C4BPA: variants seen among roughly 807,000 people sequenced by gnomAD.
C4BPA encodes C4b-binding protein alpha chain.
In C4BPA, 31 loss-of-function variants were observed where a neutral mutation model predicts 63.7. That is an observed-to-expected ratio of 0.49 (90% CI 0.37 to 0.66). C4BPA has a LOEUF of 0.66. Ranked by LOEUF, C4BPA falls within the 30% of genes least tolerant of loss-of-function variation. The pLI is 0.00. For missense variants in C4BPA, 572 were observed against 723.3 expected, an observed-to-expected ratio of 0.79 and a Z score of 2.40; for synonymous variants, 259 against 254.7, an observed-to-expected ratio of 1.02 and a Z score of -0.16.
chr1:207,115,556 T>C lies in C4BPA; in HGVS notation c.428+41T>C, dbSNP rs183817813. 1,022 of 1,049,702 alleles carry C rather than the reference T, an allele frequency of 9.7e-4. 5 individuals carry two copies. The highest frequency in any genetic ancestry group is 3.4e-3 in the Middle Eastern group (16 of 4,716). The allele number at this position is 1,049,702 out of a possible 1,614,324, so 65.0% of individuals were successfully genotyped here. On this transcript the variant is annotated intron_variant, in intron 4 of 11. Coordinates refer to ENST00000367070, the MANE Select transcript of C4BPA (RefSeq NM_000715.4). ...TCTATGAACAATTCTTTTATATTTA[T>C]TTAAAAAATAGCTGAAGTGTTCGTA... is the stretch of plus-strand genomic sequence containing the variant.
intron 9 of C4BPA, among the ~76,000 whole-genome samples, chr1:207,140,038 A>G (rs1298937141): frequency 6.6e-6 from 1 of 152,056 alleles, no homozygotes; most frequent in Non-Finnish European, 1.5e-5. Flanking sequence ...AATCTTCATA[A>G]CTCTCAGGCA....
chr1:207,143,940 A>G lies in C4BPA; in HGVS notation c.1567A>G (p.Ile523Val). Residue 523 changes from isoleucine to valine, a missense_variant, in exon 11 of 12, where the codon ATC becomes GTC. Ile to Val is a conservative substitution (Grantham distance 29, BLOSUM62 3). Transcript: ENST00000367070. ...CTATGGTGTGGTTGGTCCCCAAAGT[A>G]TCACTTGCTCTGGGAACAGAACCTG... The part of the protein sequence containing the change: ...SGYGVVGPQS[I>V]TCSGNRTWYP... 2 of 1,610,132 alleles carry G rather than the reference A, an allele frequency of 1.2e-6. No homozygotes were observed. Among genetic ancestry groups the G allele is most frequent in the Non-Finnish European group, 1.7e-6 (2 of 1,178,248 alleles).
chr1:207,117,982 T>C lies in C4BPA; in HGVS notation c.428+2467T>C, dbSNP rs539299226. ...TAGTCTTTTTTTCCTTGTTTCTTCA[T>C]GTGTGTTTCAGCTTTCCTCACATAG... On this transcript the variant is annotated intron_variant, in intron 4 of 11. Transcript: ENST00000367070. Among the ~76,000 whole-genome samples, 10 of 152,348 alleles carry C rather than the reference T, an allele frequency of 6.6e-5. No homozygotes were observed. The East Asian group carries it at 1.9e-3, about 29-fold the overall frequency.
intron 2 of C4BPA, among the ~76,000 whole-genome samples, chr1:207,113,877 T>C (rs1172716707): frequency 6.6e-6 from 1 of 152,192 alleles, no homozygotes; most frequent in African/African-American, 2.4e-5. Context: ...TTTATCATTA[T>C]TGTTTATTGT....
intron 9 of C4BPA, among the ~76,000 whole-genome samples, 155 bp downstream of exon 9, chr1:207,134,747 T>G (rs1410929566): frequency 6.6e-6 from 1 of 152,212 alleles, no homozygotes; most frequent in Non-Finnish European, 1.5e-5. Context: ...CATTGTGTGT[T>G]CCCTTTCTTT....
chr1:207,105,016 T>C (rs531201948), intron 1 of C4BPA, among the ~76,000 whole-genome samples: 2 of 152,358 alleles, frequency 1.3e-5, no homozygotes, highest in African/African-American at 4.8e-5. Context: ...TTGACGATGC[T>C]GATAACCCTT....
rs775434720 is a variant in C4BPA, at chr1:207,123,988, T to C, written c.495T>C (p.His165=). 1.9e-6 allele frequency: 3 copies of C among 1,610,574 alleles called. No homozygotes were observed. Among genetic ancestry groups the C allele is most frequent in the Non-Finnish European group, 2.5e-6 (3 of 1,177,554 alleles). The change falls in exon 5 of 12, where the codon CAT becomes CAC. Residue 165 remains histidine (H), a synonymous_variant. Transcript: ENST00000367070. ...EVQDRGVGWS[H]PLPQCEIVKC... is the part of the protein sequence containing the mutation. The stretch of plus-strand genomic sequence containing the variant: ...AAGATAGAGGAGTTGGCTGGAGTCA[T>C]CCTCTCCCACAATGTGAAAGTAAGT...
chr1:207,124,215 G>A lies in C4BPA; in HGVS notation c.555G>A (p.Arg185=), dbSNP rs769312663. The change falls in exon 6 of 12, where the codon AGG becomes AGA. Residue 185 remains arginine (R), a synonymous_variant. Coordinates refer to ENST00000367070, the MANE Select transcript of C4BPA (RefSeq NM_000715.4). ...CTCCTCCAGACATCAGGAATGGAAG[G>A]CACAGCGGTGAAGAAAATTTCTACG... ...CKPPPDIRNG[R]HSGEENFYAY... 1 of 1,613,894 alleles carries A rather than the reference G, an allele frequency of 6.2e-7. No individual in the cohort carries two copies. Among genetic ancestry groups the A allele is most frequent in the Admixed American group, 1.7e-5 (1 of 59,976 alleles).
rs73079111 is a variant in C4BPA at position 207,113,012 on chromosome 1, C to T, written c.-14C>T. Reference sequence around the variant, plus strand: ...AGTTCTTTCAGCAGAAAAACATCAGCGAAGCAGCAGGCCATGCACCCCCCA... The same window carrying T: ...AGTTCTTTCAGCAGAAAAACATCAGTGAAGCAGCAGGCCATGCACCCCCCA... On this transcript the variant is annotated 5_prime_UTR_variant, in exon 2 of 12. Coordinates refer to ENST00000367070, the MANE Select transcript of C4BPA (RefSeq NM_000715.4). 5.4e-4 allele frequency: 838 copies of T among 1,558,360 alleles called. 5 individuals are homozygous for T. In the African/African-American group the frequency reaches 8.5e-3, roughly 16 times the overall value.
At chr1:207,142,677 GA>G (rs1309005134) in intron 10 of C4BPA, among the ~76,000 whole-genome samples, 7 of 152,160 alleles carry the variant, frequency 4.6e-5, no homozygotes, top group African/African-American at 1.4e-4. Context: ...CAGTGATGAT[GA>G]GTATTTTTTC....
intron 2 of C4BPA, 30 bp downstream of exon 2, chr1:207,113,197 CAACA>C (rs938604557): frequency 1.9e-6 from 3 of 1,597,684 alleles, no homozygotes; most frequent in Non-Finnish European, 2.6e-6. Context: ...CTCAAATCAG[CAACA>C]AACAATGAAG....
At chr1:207,138,293 C>T (rs1685336571) in intron 9 of C4BPA, among the ~76,000 whole-genome samples, 1 of 152,158 alleles carries the variant, frequency 6.6e-6, no homozygotes, top group East Asian at 1.9e-4. Context: ...TTTTACTGCC[C>T]ATGCTCAATC....
chr1:207,108,223 T>A (rs887326387), intron 1 of C4BPA, among the ~76,000 whole-genome samples: 1 of 152,182 alleles, frequency 6.6e-6, no homozygotes, highest in African/African-American at 2.4e-5. Flanking sequence ...GAAAGTGTAA[T>A]AATTATTTCT....
intron 1 of C4BPA, among the ~76,000 whole-genome samples, chr1:207,108,048 T>G (rs546296122): frequency 9.8e-4 from 149 of 152,314 alleles, no homozygotes; most frequent in South Asian, 2.1e-3. Flanking sequence ...GTTTGAAACA[T>G]GTTAAATTCA....
chr1:207,108,809 G>A (rs1165627885), intron 1 of C4BPA, among the ~76,000 whole-genome samples: 3 of 151,820 alleles, frequency 2.0e-5, no homozygotes, highest in Non-Finnish European at 4.4e-5. Context: ...TGTAACCTTT[G>A]CCTCCCGGGT....
intron 11 of C4BPA, among the ~76,000 whole-genome samples, chr1:207,144,319 C>T (rs554229968): frequency 2.0e-5 from 3 of 152,232 alleles, no homozygotes; most frequent in South Asian, 4.2e-4. Context: ...GCAAAAACAG[C>T]CTCTGTTACC....
rs750083193 is a variant in C4BPA, at chr1:207,124,406, C to T, written c.706+40C>T. Reference sequence around the variant, plus strand: ...TGAATTCTGCATCAAAATGTTTGCTCTCTTTTGTTTAAAAGAGAAAGAAAG... The same window carrying T: ...TGAATTCTGCATCAAAATGTTTGCTTTCTTTTGTTTAAAAGAGAAAGAAAG... On this transcript the variant is annotated intron_variant, in intron 6 of 11. Transcript: ENST00000367070. 8.8e-6 allele frequency: 13 copies of T among 1,484,472 alleles called. No individual in the cohort carries two copies. In the South Asian group the frequency reaches 1.2e-4, roughly 13 times the overall value. The allele number at this position is 1,484,472 out of a possible 1,614,324, so 92.0% of individuals were successfully genotyped here.
Position 207,144,681 on chromosome 1 carries a change from C to G in C4BPA, c.1758C>G (p.Asp586Glu), listed in dbSNP as rs764872306. ...TTGAACAACTGGAACTACAGAGAGA[C>G]AGCGCAAGACAATCCACTTTGGATA... ...LEIEQLELQR[D>E]SARQSTLDKE... The change falls in exon 12 of 12, where the codon GAC becomes GAG. Residue 586 changes from aspartate to glutamate, a missense_variant. This residue lies in a region of C4BPA where 465 missense variants were observed against 629.4 expected (regional missense o/e 0.74). Coordinates refer to ENST00000367070, the MANE Select transcript of C4BPA (RefSeq NM_000715.4). 2 of 1,610,342 alleles carry G rather than the reference C, an allele frequency of 1.2e-6. No homozygotes were observed. Among genetic ancestry groups the G allele is most frequent in the East Asian group, 4.5e-5 (2 of 44,770 alleles).
At chr1:207,108,719 C>A (rs1684606682) in intron 1 of C4BPA, among the ~76,000 whole-genome samples, 1 of 151,974 alleles carries the variant, frequency 6.6e-6, no homozygotes, top group African/African-American at 2.4e-5. Context: ...GTGGGTGATT[C>A]ATTTTATTTA....
Sources: gnomAD v4.1 joint callset for allele counts (sites outside exome capture counted in the v4.1 genomes callset) on GRCh38, gnomAD v4.1.1 for gene constraint, gnomAD v4.1.1 regional missense constraint, MANE v1.5 for transcripts, NCBI Gene and HGNC (gene_info 2026-07-23, HGNC 2026-07-21) for gene names.